The following PTPDC1 variants were observed in gnomAD, a reference collection of about 807,000 sequenced individuals.
PTPDC1 encodes the protein protein tyrosine phosphatase domain containing 1, also known as protein tyrosine phosphatase domain-containing protein 1.
Under a neutral mutation model 75.3 loss-of-function variants are expected in PTPDC1, and 53 were observed. The ratio of observed to expected loss-of-function variants is 0.70; its 90% CI spans 0.56 to 0.88. The LOEUF is 0.88. PTPDC1 is among the 40% of genes least tolerant of loss of function. The pLI, the probability that PTPDC1 is intolerant of heterozygous loss-of-function variation, is 0.00. For missense variants in PTPDC1, 925 were observed against 998.6 expected, an observed-to-expected ratio of 0.93 and a Z score of 0.99; for synonymous variants, 349 against 366.2, an observed-to-expected ratio of 0.95 and a Z score of 0.54.
At chr9:94,075,377 A>G (rs1826649825) in intron 2 of PTPDC1, among the ~76,000 whole-genome samples, 1 of 152,178 alleles carries the variant, frequency 6.6e-6, no homozygotes, top group Non-Finnish European at 1.5e-5. Flanking sequence ...GGAGTATTTG[A>G]TAGATGATCA....
At chr9:94,099,464 C>T (rs1827756117) in intron 6 of PTPDC1, among the ~76,000 whole-genome samples, 1 of 152,092 alleles carries the variant, frequency 6.6e-6, no homozygotes, top group Non-Finnish European at 1.5e-5. Flanking sequence ...TTAAACAAGG[C>T]ATATAAAATT....
intron 1 of PTPDC1, among the ~76,000 whole-genome samples, chr9:94,045,769 A>G (rs1161132463): frequency 6.6e-6 from 1 of 151,788 alleles, no homozygotes; most frequent in East Asian, 1.9e-4. Context: ...AGTAGGTTGC[A>G]AAAATTTTCT....
Position 94,107,971 on chromosome 9 carries a change from C to A in PTPDC1, c.*27C>A. On this transcript the variant is annotated 3_prime_UTR_variant, in exon 9 of 9. Transcript: ENST00000620992. ...TTTCACTCGTGGTGAATATTTCAGA[C>A]CTAAAGATCCAGATAGTATCTCTGT... 1 of 1,357,576 alleles carries A rather than the reference C, an allele frequency of 7.4e-7. No individual in the cohort carries two copies. Among genetic ancestry groups the A allele is most frequent in the Non-Finnish European group, 1.0e-6 (1 of 985,160 alleles). 84.1% of individuals were successfully genotyped at this position (1,357,576 alleles called of 1,614,324 possible).
intron 1 of PTPDC1, among the ~76,000 whole-genome samples, chr9:94,046,319 G>C (rs892390766): frequency 6.6e-6 from 1 of 152,140 alleles, no homozygotes; most frequent in African/African-American, 2.4e-5. Flanking sequence ...GATTGACTTG[G>C]CAATGCAGGC....
At chr9:94,086,742 A>T (rs1827086452) in intron 2 of PTPDC1, among the ~76,000 whole-genome samples, 1 of 152,188 alleles carries the variant, frequency 6.6e-6, no homozygotes, top group Admixed American at 6.5e-5. Context: ...ATGCTTTCAT[A>T]CTATTATCTT....
At chr9:94,095,199 G>T (rs1281818125) in intron 4 of PTPDC1, 118 bp from the exon 5 acceptor site, 29 of 703,840 alleles carry the variant, frequency 4.1e-5, no homozygotes, top group Middle Eastern at 3.0e-4. Flanking sequence ...TTTATGCAGT[G>T]TATGCACTGA....
chr9:94,045,295 A>G (rs1235166803), intron 1 of PTPDC1, among the ~76,000 whole-genome samples: 1 of 152,114 alleles, frequency 6.6e-6, no homozygotes, highest in Non-Finnish European at 1.5e-5. Flanking sequence ...ATAGTGCCGC[A>G]GTAAACATAC....
intron 2 of PTPDC1, among the ~76,000 whole-genome samples, chr9:94,073,728 G>A (rs1235929497): frequency 6.6e-6 from 1 of 152,136 alleles, no homozygotes; most frequent in Non-Finnish European, 1.5e-5. Flanking sequence ...AGCATTAAGT[G>A]ATAGAAATTT....
chr9:94,054,381 T>C (rs548750917), intron 1 of PTPDC1, among the ~76,000 whole-genome samples: 63 of 152,268 alleles, frequency 4.1e-4, no homozygotes, highest in African/African-American at 1.5e-3. Context: ...AAGTCATCTT[T>C]ACAATGATCC....
rs773385270 is a variant in PTPDC1 at position 94,107,852 on chromosome 9, C to T, written c.2335C>T (p.Pro779Ser). ...TKVNFDSENG[P>S]TVYNTLKKIF... is the part of the protein sequence containing the mutation. ...GGTTAATTTTGATTCTGAAAATGGA[C>T]CAACAGTTTACAACACCCTGAAGAA... is the stretch of plus-strand genomic sequence containing the variant. Residue 779 changes from proline to serine, a missense_variant, in exon 9 of 9, where the codon CCA (proline) becomes TCA (serine). Transcript: ENST00000620992. The T allele has an allele frequency of 1.2e-6, 2 of 1,601,080 alleles. No individual in the cohort carries two copies. The highest frequency in any genetic ancestry group is 1.7e-6 in the Non-Finnish European group (2 of 1,174,602).
intron 5 of PTPDC1, among the ~76,000 whole-genome samples, chr9:94,096,541 GAATT>G (rs1300233111): frequency 1.3e-5 from 2 of 152,014 alleles, no homozygotes; most frequent in Non-Finnish European, 2.9e-5. Context: ...TGTTATATTT[GAATT>G]AATTTATTAA....
intron 1 of PTPDC1, among the ~76,000 whole-genome samples, chr9:94,046,947 G>A (rs370730760): frequency 6.6e-6 from 1 of 152,296 alleles, no homozygotes; most frequent in Admixed American, 6.5e-5. Flanking sequence ...AATGCTTCCA[G>A]TTTTTGCCCA....
At chr9:94,069,769 C>A (rs1031469544) in intron 2 of PTPDC1, among the ~76,000 whole-genome samples, 1 of 151,090 alleles carries the variant, frequency 6.6e-6, no homozygotes, top group African/African-American at 2.4e-5. Flanking sequence ...CCTGCTTCAA[C>A]CTCCCAAAGT....
upstream of PTPDC1, among the ~76,000 whole-genome samples, chr9:94,084,204 A>G (rs1826982074): frequency 6.6e-6 from 1 of 152,234 alleles, no homozygotes; most frequent in Non-Finnish European, 1.5e-5. Context: ...AATTCACTAC[A>G]GTATTTTGGG....
chr9:94,095,512 G>C (rs1251068912), intron 5 of PTPDC1, 58 bp downstream of exon 5: 2 of 1,391,688 alleles, frequency 1.4e-6, no homozygotes, highest in African/African-American at 1.5e-5. Context: ...AAAGGAATAA[G>C]ATTTCCTAAT....
intron 1 of PTPDC1, among the ~76,000 whole-genome samples, 167 bp downstream of exon 1, chr9:94,084,941 C>T (rs1031007132): frequency 1.3e-5 from 2 of 152,112 alleles, no homozygotes; most frequent in Admixed American, 6.5e-5. Flanking sequence ...ATAAAATGAT[C>T]AAATGTTTTG....
At chr9:94,047,161 A>G (rs1236748636) in intron 1 of PTPDC1, among the ~76,000 whole-genome samples, 1 of 152,088 alleles carries the variant, frequency 6.6e-6, no homozygotes, top group Admixed American at 6.6e-5. Context: ...TGATTTGTGT[A>G]TGTTGAACCA....
At chr9:94,084,382 C>CT (rs145060379), upstream of PTPDC1, 5,279 of 1,313,132 alleles carry the variant, frequency 4.0e-3, 199 homozygotes, top group African/African-American at 0.072. Context: ...TCAGTAGTTT[C>CT]TTTGTTTGTC....
chr9:94,106,809 C>T (rs1828037397), intron 8 of PTPDC1, among the ~76,000 whole-genome samples: 1 of 152,152 alleles, frequency 6.6e-6, no homozygotes, highest in Non-Finnish European at 1.5e-5. Flanking sequence ...AGGGTGGGTA[C>T]TTGCTCTGGT....
Sources: allele counts gnomAD v4.1 joint callset (sites outside exome capture counted in the v4.1 genomes callset), GRCh38; gene constraint gnomAD v4.1.1; transcripts MANE v1.5; gene names NCBI Gene and HGNC (gene_info 2026-07-23, HGNC 2026-07-21).